XKR6: variants seen among roughly 807,000 people sequenced by gnomAD.
The protein encoded by XKR6 is XK related 6.
In XKR6, 22 loss-of-function variants were observed where a neutral mutation model predicts 56.7. The observed-to-expected ratio is 0.39, with a 90% CI of 0.28 to 0.55. XKR6 has a LOEUF of 0.55. Among genes scored for constraint, XKR6 ranks in the 20% least tolerant of loss-of-function variants. The pLI is 0.66. For missense variants in XKR6, 852 were observed against 889.0 expected, an observed-to-expected ratio of 0.96 and a Z score of 0.53; for synonymous variants, 524 against 387.8, an observed-to-expected ratio of 1.35 and a Z score of -4.13.
At chr8:11,169,142 A>G (rs1160326542) in intron 1 of XKR6, among the ~76,000 whole-genome samples, 1 of 152,164 alleles carries the variant, frequency 6.6e-6, no homozygotes. Context: ...TGCCCAGTCC[A>G]TAAAAACCCC....
chr8:10,915,234 A>G (rs1003282309), intron 2 of XKR6, among the ~76,000 whole-genome samples: 2 of 152,246 alleles, frequency 1.3e-5, no homozygotes, highest in African/African-American at 4.8e-5. Context: ...ATCTGTCCCC[A>G]GCTCCTGGAA....
chr8:11,003,902 T>C (rs892546612), intron 1 of XKR6, among the ~76,000 whole-genome samples: 2 of 152,154 alleles, frequency 1.3e-5, no homozygotes, highest in Non-Finnish European at 2.9e-5. Context: ...CCAGAGGGCT[T>C]TCAAGTTCTC....
At chr8:11,161,579 T>G (rs116693139) in intron 1 of XKR6, among the ~76,000 whole-genome samples, 1 of 152,210 alleles carries the variant, frequency 6.6e-6, no homozygotes, top group Non-Finnish European at 1.5e-5. Context: ...CAGCAGAGCA[T>G]GATTTAGTGC....
intron 2 of XKR6, among the ~76,000 whole-genome samples, chr8:10,905,766 C>G (rs529880979): frequency 5.3e-5 from 8 of 152,128 alleles, no homozygotes; most frequent in Non-Finnish European, 1.2e-4. Context: ...TCCTTTTAGA[C>G]AGCAATTCTT....
At chr8:10,965,189 AG>A (rs994755202) in intron 1 of XKR6, among the ~76,000 whole-genome samples, 2 of 152,190 alleles carry the variant, frequency 1.3e-5, no homozygotes, top group African/African-American at 4.8e-5. Flanking sequence ...GTCCTTCTTA[AG>A]TCCTTCCTTG....
In XKR6 at chr8:11,194,717, CACT is replaced by C. The variant is rs1309909889; in HGVS notation, c.764+5856_764+5858del. 0.015 allele frequency: 128 copies of C among 8,724 alleles called. 1 individual carries two copies. In the East Asian group the frequency reaches 0.23, roughly 16 times the overall value. The allele number at this position is 8,724 out of a possible 1,614,324, so 0.5% of individuals were successfully genotyped here. ...CCAACATTACAGAATCTATCCACTG[CACT>C]GCATAAGCCTGACTAGGCAATTGAC... is the stretch of plus-strand genomic sequence containing the variant. On this transcript the variant is annotated intron_variant, in intron 1 of 2. Transcript: ENST00000416569.
rs1799958289 is a variant in XKR6 at position 10,898,846 on chromosome 8, G to A, written c.1032C>T (p.Asp344=). Residue 344 remains aspartate (D), a synonymous_variant, in exon 3 of 3, where the codon GAC becomes GAT. Transcript: ENST00000416569. This position sits in a 1 kb window ranked among gnomAD's most constrained non-coding sequence, Gnocchi z 6.6. ...TCATGCTCTTCTTGTCGTCCCTGGAGTCCCGCAGCAGCTTGTGATAGGAGG... is the reference window on the plus strand; with the variant it reads ...TCATGCTCTTCTTGTCGTCCCTGGAATCCCGCAGCAGCTTGTGATAGGAGG... The part of the protein sequence containing the change: ...VLASYHKLLR[D]SRDDKKSMSY... The A allele has an allele frequency of 6.2e-7, 1 of 1,614,052 alleles. No individual in the cohort carries two copies. The highest frequency in any genetic ancestry group is 1.3e-5 in the African/African-American group (1 of 74,920).
At chr8:10,927,754 T>A (rs1800936199) in intron 1 of XKR6, among the ~76,000 whole-genome samples, 1 of 152,140 alleles carries the variant, frequency 6.6e-6, no homozygotes, top group South Asian at 2.1e-4. Flanking sequence ...CTTGATGCTC[T>A]CCTGGGTGTG....
chr8:11,130,508 T>C (rs2116892518), intron 1 of XKR6, among the ~76,000 whole-genome samples: 1 of 152,164 alleles, frequency 6.6e-6, no homozygotes, highest in East Asian at 1.9e-4. Context: ...AAAGATGGGT[T>C]CATTAAAAGT....
At chr8:11,090,987 C>G (rs1438906841) in intron 1 of XKR6, among the ~76,000 whole-genome samples, 1 of 150,036 alleles carries the variant, frequency 6.7e-6, no homozygotes, top group Admixed American at 6.6e-5. Context: ...AGGCACAACT[C>G]GAGCCCAGGT....
chr8:10,934,896 G>A (rs1801167735), intron 1 of XKR6, among the ~76,000 whole-genome samples: 1 of 126,490 alleles, frequency 7.9e-6, no homozygotes, highest in Admixed American at 7.4e-5. Context: ...TTTGGTATCA[G>A]AATGACGCTG....
chr8:10,951,793 C>T (rs759027704), intron 1 of XKR6, among the ~76,000 whole-genome samples: 4 of 152,246 alleles, frequency 2.6e-5, no homozygotes, highest in South Asian at 2.1e-4. Context: ...GAGGGAGAAA[C>T]GAGGTTTTCC....
intron 1 of XKR6, among the ~76,000 whole-genome samples, chr8:11,176,898 T>C (rs1407100289): frequency 1.3e-5 from 2 of 152,106 alleles, no homozygotes; most frequent in Non-Finnish European, 2.9e-5. Flanking sequence ...AGCAACAGAA[T>C]CCAGCAGTGC....
At chr8:10,990,649 G>A (rs1380039761) in intron 1 of XKR6, among the ~76,000 whole-genome samples, 1 of 152,102 alleles carries the variant, frequency 6.6e-6, no homozygotes, top group African/African-American at 2.4e-5. Flanking sequence ...GTGCAATCAT[G>A]GCTTACTGTA....
intron 1 of XKR6, chr8:11,124,109 T>C (rs1460207182): frequency 2.4e-6 from 1 of 424,952 alleles, no homozygotes; most frequent in Non-Finnish European, 4.8e-6. Context: ...TTTTTACTTA[T>C]TTACTTTATC....
chr8:10,953,907 A>G (rs373460148), intron 1 of XKR6, among the ~76,000 whole-genome samples: 1 of 152,246 alleles, frequency 6.6e-6, no homozygotes, highest in East Asian at 1.9e-4. Flanking sequence ...TACAAATGGA[A>G]TCATGCAATA....
At chr8:11,023,601 G>C (rs1356283412) in intron 1 of XKR6, among the ~76,000 whole-genome samples, 1 of 152,212 alleles carries the variant, frequency 6.6e-6, no homozygotes, top group Non-Finnish European at 1.5e-5. Context: ...CTTAGAATCT[G>C]TGGGGGCCAC....
At chr8:11,077,758 T>A (rs868605977) in intron 1 of XKR6, among the ~76,000 whole-genome samples, 1 of 152,122 alleles carries the variant, frequency 6.6e-6, no homozygotes, top group Non-Finnish European at 1.5e-5. Context: ...CAAGAATGCA[T>A]CTGGGCACAG....
chr8:11,136,088 A>G (rs1380174442), intron 1 of XKR6, among the ~76,000 whole-genome samples: 1 of 152,222 alleles, frequency 6.6e-6, no homozygotes, highest in Non-Finnish European at 1.5e-5. Flanking sequence ...TTCTTAGAAC[A>G]TAAAAACTAG....
Sources: gnomAD v4.1 joint callset for allele counts (sites outside exome capture counted in the v4.1 genomes callset) on GRCh38, gnomAD v4.1.1 for gene constraint, Gnocchi (gnomAD v3.1) non-coding constraint, MANE v1.5 for transcripts, NCBI Gene and HGNC (gene_info 2026-07-23, HGNC 2026-07-21) for gene names.